Variants in FAM210A observed in about 807,000 individuals in gnomAD.
FAM210A encodes family with sequence similarity 210 member A.
In FAM210A, 13 loss-of-function variants were observed where a neutral mutation model predicts 25.3. The ratio of observed to expected loss-of-function variants is 0.51; its 90% CI spans 0.33 to 0.82. The LOEUF is 0.82. Among genes scored for constraint, FAM210A ranks in the 40% least tolerant of loss-of-function variants. The probability of loss-of-function intolerance (pLI) is 0.02; values close to 1 mark genes in which losing one functional copy is unlikely to be tolerated. For missense variants in FAM210A, 319 were observed against 323.2 expected (o/e 0.99, Z 0.10); for synonymous variants, 125 against 118.7 (o/e 1.05, Z -0.35).
Position 13,665,789 on chromosome 18 carries a change from C to T in FAM210A, c.*691G>A, listed in dbSNP as rs1253990249. 2 of 152,068 alleles carry T rather than the reference C, an allele frequency of 1.3e-5. No homozygotes were observed. The highest frequency in any genetic ancestry group is 1.3e-4 in the Admixed American group (2 of 15,258). The allele number at this position is 152,068 out of a possible 1,614,324, so 9.4% of individuals were successfully genotyped here. A position where few individuals can be genotyped will look rare whatever the true frequency, so the allele number is the denominator to read the frequency against. On this transcript the variant is annotated 3_prime_UTR_variant, in exon 4 of 4. Coordinates refer to ENST00000651643, the MANE Select transcript of FAM210A (RefSeq NM_152352.4). ...TTGAGGTGATCACCACTAATACACACTTTGAAAAGTACCATCACCATATAT... is the reference window on the plus strand; with the variant it reads ...TTGAGGTGATCACCACTAATACACATTTTGAAAAGTACCATCACCATATAT...
rs539083648 is a variant in FAM210A at position 13,711,819 on chromosome 18, G to C, written c.-29+14510C>G. ...ATTGCTCAACATCTTTTGTATCTGG[G>C]ACACAAAAGATCCTACATGGTACTC... is the stretch of plus-strand genomic sequence containing the variant. On this transcript the variant is annotated intron_variant, in intron 1 of 3. Coordinates refer to ENST00000651643, the MANE Select transcript of FAM210A (RefSeq NM_152352.4). Among the ~76,000 whole-genome samples, 3 of 152,036 alleles carry C rather than the reference G, an allele frequency of 2.0e-5. No homozygotes were observed. In the East Asian group the frequency reaches 5.8e-4, roughly 29 times the overall value.
intron 1 of FAM210A, among the ~76,000 whole-genome samples, chr18:13,693,370 G>A (rs59814563): frequency 0.011 from 1,724 of 152,302 alleles, 36 homozygotes; most frequent in African/African-American, 0.04. Flanking sequence ...CAGAAAAAGA[G>A]GGAATCCTCC....
chr18:13,666,967 C>T (rs995483926), intron 3 of FAM210A, among the ~76,000 whole-genome samples: 1 of 152,158 alleles, frequency 6.6e-6, no homozygotes, highest in Admixed American at 6.5e-5. Flanking sequence ...CACTGATGTC[C>T]CTAATCGCAT....
chr18:13,669,389 T>C (rs1364753538), intron 3 of FAM210A, among the ~76,000 whole-genome samples: 1 of 152,176 alleles, frequency 6.6e-6, no homozygotes, highest in African/African-American at 2.4e-5. Flanking sequence ...TGACACGCCA[T>C]TCTCTGCCCT....
intron 1 of FAM210A, among the ~76,000 whole-genome samples, chr18:13,696,061 CA>C (rs1189290792): frequency 6.6e-6 from 1 of 152,064 alleles, no homozygotes; most frequent in African/African-American, 2.4e-5. Context: ...AGGAAAACCT[CA>C]AAACTCTGAA....
At chr18:13,705,294 G>A (rs2043769354) in intron 1 of FAM210A, among the ~76,000 whole-genome samples, 2 of 152,134 alleles carry the variant, frequency 1.3e-5, no homozygotes, top group Non-Finnish European at 2.9e-5. Context: ...GCATTCAAGA[G>A]GACATAAGTC....
chr18:13,687,041 T>C lies in FAM210A; in HGVS notation c.-28-4936A>G, dbSNP rs181444652. Among the ~76,000 whole-genome samples, 156 of 152,314 alleles carry C rather than the reference T, an allele frequency of 1.0e-3. 2 individuals carry two copies. Among genetic ancestry groups the C allele is most frequent in the African/African-American group, 3.5e-3 (146 of 41,568 alleles). ...AATATTAGCAAGTCAAATCCAGCAA[T>C]GTCTAAAAACTATCATACACCCAGA... On this transcript the variant is annotated intron_variant, in intron 1 of 3. Transcript: ENST00000651643.
At chr18:13,690,176 C>A (rs1457037434) in intron 1 of FAM210A, among the ~76,000 whole-genome samples, 1 of 152,224 alleles carries the variant, frequency 6.6e-6, no homozygotes, top group Admixed American at 6.5e-5. Flanking sequence ...AGTCTGAGAT[C>A]AAACTGCAAG....
Position 13,726,423 on chromosome 18 carries a change from C to G in FAM210A, c.-123G>C, listed in dbSNP as rs2043950473. 1 of 152,510 alleles carries G rather than the reference C, an allele frequency of 6.6e-6. No individual in the cohort carries two copies. The highest frequency in any genetic ancestry group is 1.5e-5 in the Non-Finnish European group (1 of 68,226). The allele number at this position is 152,510 out of a possible 1,614,324, so 9.4% of individuals were successfully genotyped here. A position where few individuals can be genotyped will look rare whatever the true frequency, so the allele number is the denominator to read the frequency against. On this transcript the variant is annotated 5_prime_UTR_variant, in exon 1 of 4. Transcript: ENST00000651643. ...ACGGCGGTGTCACTCAGCAGAGCAG[C>G]CCGACAAAGCGTGGGTCCGCGTGCA... is the stretch of plus-strand genomic sequence containing the variant.
intron 1 of FAM210A, among the ~76,000 whole-genome samples, chr18:13,703,419 T>C (rs1042193653): frequency 1.4e-4 from 22 of 152,230 alleles, no homozygotes; most frequent in African/African-American, 5.3e-4. Context: ...TGGGATGCCA[T>C]ACAATTAAAT....
At chr18:13,680,610 G>A (rs532665508) in intron 2 of FAM210A, among the ~76,000 whole-genome samples, 1 of 152,292 alleles carries the variant, frequency 6.6e-6, no homozygotes, top group South Asian at 2.1e-4. Context: ...TCTAAAGAGT[G>A]AGCTTTACGT....
chr18:13,700,057 T>C (rs1006003494), intron 1 of FAM210A, among the ~76,000 whole-genome samples: 2 of 152,206 alleles, frequency 1.3e-5, no homozygotes, highest in African/African-American at 4.8e-5. Context: ...GGGTACCCTA[T>C]AATTCAATTT....
At chr18:13,686,571 T>C (rs2043598930) in intron 1 of FAM210A, among the ~76,000 whole-genome samples, 1 of 152,206 alleles carries the variant, frequency 6.6e-6, no homozygotes, top group Non-Finnish European at 1.5e-5. Context: ...TGCTCCTGGG[T>C]TGCAATCCTT....
At position 13,681,867 on chromosome 18, in the gene FAM210A, A is replaced by G. The variant is rs201878744; in HGVS notation, c.211T>C (p.Leu71=). The G allele has an allele frequency of 1.2e-5, 20 of 1,614,188 alleles. No homozygotes were observed. In the African/African-American group the frequency reaches 2.1e-4, roughly 17 times the overall value. Residue 71 remains leucine, a synonymous_variant, in exon 2 of 4, where the codon TTG becomes CTG. Coordinates refer to ENST00000651643, the MANE Select transcript of FAM210A (RefSeq NM_152352.4). The part of the protein sequence containing the change: ...AQCVAKERRP[L]DAHPPQPGVL... ...CCTGGTTGGGGTGGATGAGCATCCAATGGCCTCCTTTCCTTTGCAACACAC... is the reference window on the plus strand; with the variant it reads ...CCTGGTTGGGGTGGATGAGCATCCAGTGGCCTCCTTTCCTTTGCAACACAC...
chr18:13,715,775 T>C (rs1197836891), intron 1 of FAM210A, among the ~76,000 whole-genome samples: 1 of 152,240 alleles, frequency 6.6e-6, no homozygotes, highest in Non-Finnish European at 1.5e-5. Flanking sequence ...AAACATTATA[T>C]TCAATCACCT....
chr18:13,690,339 C>G (rs1477954833), intron 1 of FAM210A, among the ~76,000 whole-genome samples: 1 of 152,190 alleles, frequency 6.6e-6, no homozygotes, highest in East Asian at 1.9e-4. Context: ...AAGGCATAGC[C>G]GAACAAAAGG....
intron 1 of FAM210A, among the ~76,000 whole-genome samples, chr18:13,708,836 T>C (rs1316583660): frequency 1.4e-5 from 2 of 141,428 alleles, no homozygotes; most frequent in Non-Finnish European, 3.3e-5. Flanking sequence ...CTTTTCCTAG[T>C]TCAAATCTAA....
intron 2 of FAM210A, among the ~76,000 whole-genome samples, chr18:13,676,862 C>T (rs909178606): frequency 8.5e-5 from 13 of 152,130 alleles, no homozygotes; most frequent in Non-Finnish European, 1.6e-4. Flanking sequence ...CACAGGAAAA[C>T]GACAGAATGG....
chr18:13,672,046 C>A, intron 2 of FAM210A, 73 bp from the exon 3 acceptor site: 1 of 992,254 alleles, frequency 1.0e-6, no homozygotes, highest in Non-Finnish European at 1.5e-6. Flanking sequence ...CTGAAAATAC[C>A]AAAACCACAC....
Sources: allele counts gnomAD v4.1 joint callset (sites outside exome capture counted in the v4.1 genomes callset), GRCh38; gene constraint gnomAD v4.1.1; transcripts MANE v1.5; gene names NCBI Gene and HGNC (gene_info 2026-07-23, HGNC 2026-07-21).